Variants in DNAH5 observed in about 807,000 individuals in gnomAD.
DNAH5 encodes the protein axonemal beta dynein heavy chain 5.
A neutral mutation model predicts 518.2 loss-of-function variants in DNAH5; 372 were observed. The observed-to-expected ratio is 0.72, with a 90% confidence interval of 0.66 to 0.78. The LOEUF (loss-of-function observed/expected upper bound fraction) is 0.78. Among genes scored for constraint, DNAH5 ranks in the 30% least tolerant of loss-of-function variants. The pLI, the probability that DNAH5 is intolerant of heterozygous loss-of-function variation, is 0.00. For synonymous variants in DNAH5, 2,039 were observed against 2,025.9 expected (o/e 1.01, Z -0.17); for missense variants, 5,523 against 5,687.0 (o/e 0.97, Z 0.93).
intron 1 of DNAH5, among the ~76,000 whole-genome samples, chr5:13,956,673 G>A (rs1343164146): frequency 2.6e-5 from 4 of 152,156 alleles, no homozygotes; most frequent in African/African-American, 9.7e-5. Context: ...GCACTTCTAC[G>A]TTCCTCTATT....
Position 13,922,099 on chromosome 5 carries a change from G to A in DNAH5, c.660+8C>T, listed in dbSNP as rs765818301. 1.2e-5 allele frequency: 19 copies of A among 1,613,326 alleles called. No individual in the cohort carries two copies. The highest frequency in any genetic ancestry group is 3.3e-5 in the South Asian group (3 of 91,058). On this transcript the variant is annotated splice_region_variant and intron_variant, in intron 5 of 78. Coordinates refer to ENST00000265104, the MANE Select transcript of DNAH5 (RefSeq NM_001369.3). ...TCATTTTTAAAGGAACAGCTTATTCGTCCTCACCTTCTCCTTCAGACTCTC... is the reference window on the plus strand; with the variant it reads ...TCATTTTTAAAGGAACAGCTTATTCATCCTCACCTTCTCCTTCAGACTCTC...
chr5:13,862,449 A>G, intron 29 of DNAH5, 99 bp downstream of exon 29: 1 of 1,154,408 alleles, frequency 8.7e-7, no homozygotes, highest in South Asian at 1.3e-5. Flanking sequence ...CATTGAGTAA[A>G]CTATATGAAG....
intron 78 of DNAH5, among the ~76,000 whole-genome samples, chr5:13,694,711 G>A (rs1741135293): frequency 6.6e-6 from 1 of 152,088 alleles, no homozygotes; most frequent in Admixed American, 6.6e-5. Flanking sequence ...GTTACATAGA[G>A]AGTCTCTATA....
intron 21 of DNAH5, among the ~76,000 whole-genome samples, chr5:13,881,942 A>C (rs1187035940): frequency 6.6e-6 from 1 of 152,130 alleles, no homozygotes; most frequent in African/African-American, 2.4e-5. Flanking sequence ...AGCTAGACTA[A>C]GTAAAAAAGA....
intron 29 of DNAH5, among the ~76,000 whole-genome samples, chr5:13,862,330 A>G (rs1443349413): frequency 6.6e-6 from 1 of 152,246 alleles, no homozygotes; most frequent in Non-Finnish European, 1.5e-5. Flanking sequence ...AAACAAGAAT[A>G]ATTGAAATAT....
chr5:13,871,246 ACT>A (rs1770060409), intron 23 of DNAH5, among the ~76,000 whole-genome samples: 1 of 152,018 alleles, frequency 6.6e-6, no homozygotes, highest in African/African-American at 2.4e-5. Context: ...ACATATCAGA[ACT>A]CTCTGGGATA....
intron 42 of DNAH5, among the ~76,000 whole-genome samples, chr5:13,816,586 G>A (rs1014949460): frequency 6.7e-6 from 1 of 148,216 alleles, no homozygotes; most frequent in African/African-American, 2.5e-5. Context: ...CTGCGCTCTT[G>A]TTCTTTTAAG....
intron 68 of DNAH5, 22 bp downstream of exon 68, chr5:13,735,109 T>A: frequency 1.9e-6 from 3 of 1,611,294 alleles, no homozygotes; most frequent in Non-Finnish European, 2.5e-6. Context: ...CTGTGCGCTA[T>A]AGTCTCTATT....
chr5:13,993,977 C>A lies in DNAH5; in HGVS notation c.12+17671G>T, dbSNP rs570406500. 2.0e-5 allele frequency among the ~76,000 whole-genome samples: 3 copies of A among 152,372 alleles called. No homozygotes were observed. In the South Asian group the frequency reaches 6.2e-4, roughly 32 times the overall value. On this transcript the variant is annotated intron_variant, in intron 1 of 78. Transcript: ENST00000681290. ...AAAGTGGCTTGTGAAGACAGCAGAC[C>A]TCCTCAGAGGTCGGAAGGAGGAAGG...
chr5:13,919,084 C>G lies in DNAH5; in HGVS notation c.975+92G>C, dbSNP rs1776965084. The G allele has an allele frequency of 5.4e-6, 8 of 1,480,712 alleles. No individual in the cohort carries two copies. In the South Asian group the frequency reaches 9.1e-5, roughly 17 times the overall value. The allele number at this position is 1,480,712 out of a possible 1,614,324, so 91.7% of individuals were successfully genotyped here. A position where few individuals can be genotyped will look rare whatever the true frequency, so the allele number is the denominator to read the frequency against. ...AATGTTTTTCATCAAGGTATAATAA[C>G]ATTTTTTTGTTCCTAATCACTCTAT... On this transcript the variant is annotated intron_variant, in intron 7 of 78. Transcript: ENST00000265104.
At chr5:13,796,223 T>C (rs1757795231) in intron 47 of DNAH5, among the ~76,000 whole-genome samples, 1 of 152,038 alleles carries the variant, frequency 6.6e-6, no homozygotes. Flanking sequence ...GAGAAAGAAA[T>C]AAAGGGTATT....
intron 1 of DNAH5, among the ~76,000 whole-genome samples, chr5:14,006,617 T>C (rs2152087969): frequency 6.6e-6 from 1 of 152,292 alleles, no homozygotes; most frequent in Admixed American, 6.5e-5. Context: ...ACCTCTTTAA[T>C]GGCCCTGTCT....
intron 1 of DNAH5, among the ~76,000 whole-genome samples, chr5:13,980,260 C>T (rs1326534842): frequency 6.6e-6 from 1 of 152,108 alleles, no homozygotes; most frequent in Non-Finnish European, 1.5e-5. Flanking sequence ...GTTATGTTGG[C>T]TCAGAGCCCA....
chr5:14,007,147 A>T (rs1006272261), intron 1 of DNAH5, among the ~76,000 whole-genome samples: 8 of 152,170 alleles, frequency 5.3e-5, no homozygotes, highest in African/African-American at 1.9e-4. Context: ...TACTTAGTTG[A>T]TCTTCCTTTG....
chr5:13,873,177 T>C (rs1316030768), intron 22 of DNAH5, among the ~76,000 whole-genome samples: 3 of 152,200 alleles, frequency 2.0e-5, no homozygotes, highest in Non-Finnish European at 4.4e-5. Flanking sequence ...GAATGTTCTT[T>C]GTAGAGTTTG....
chr5:13,881,784 G>A (rs1413532576), intron 21 of DNAH5, among the ~76,000 whole-genome samples: 1 of 151,836 alleles, frequency 6.6e-6, no homozygotes, highest in Non-Finnish European at 1.5e-5. Context: ...ACTAGAAAAA[G>A]GAGAACAGAC....
intron 5 of DNAH5, among the ~76,000 whole-genome samples, chr5:13,920,939 A>G (rs998232755): frequency 1.3e-5 from 2 of 151,232 alleles, no homozygotes; most frequent in Non-Finnish European, 2.9e-5. Context: ...AAGTGGACCC[A>G]TATGAAAAAA....
chr5:13,979,761 T>C (rs978783841), intron 1 of DNAH5, among the ~76,000 whole-genome samples: 16 of 152,146 alleles, frequency 1.1e-4, no homozygotes, highest in Non-Finnish European at 2.4e-4. Flanking sequence ...GCAAACTTGA[T>C]CAACTGCATT....
At position 13,967,909 on chromosome 5, in the gene DNAH5, A is replaced by G. The variant is rs76938373; in HGVS notation, c.13-36665T>C. Among the ~76,000 whole-genome samples, 14 of 152,080 alleles carry G rather than the reference A, an allele frequency of 9.2e-5. 1 individual carries two copies. The East Asian group carries it at 2.5e-3, about 27-fold the overall frequency. On this transcript the variant is annotated intron_variant, in intron 1 of 78. Coordinates refer to the DNAH5 transcript ENST00000681290. ...GAATTTGTAGATTGCTTTTGGCCAC[A>G]CGGTCATTTTCACAATACTGATTCT...
Sources: gnomAD v4.1 joint callset for allele counts (sites outside exome capture counted in the v4.1 genomes callset) on GRCh38, gnomAD v4.1.1 for gene constraint, MANE v1.5 for transcripts, NCBI Gene and HGNC (gene_info 2026-07-23, HGNC 2026-07-21) for gene names.